VAMP4: variants seen among roughly 807,000 people sequenced by gnomAD.
The protein encoded by VAMP4 is vesicle associated membrane protein 4.
Under a neutral mutation model 23.5 loss-of-function variants are expected in VAMP4, and 19 were observed. The observed-to-expected ratio is 0.81, with a 90% CI of 0.56 to 1.19. The LOEUF (loss-of-function observed/expected upper bound fraction) is 1.19. VAMP4 is among the 50% of genes most tolerant of loss of function. VAMP4 has a pLI of 0.00. For synonymous variants in VAMP4, 31 were observed against 51.0 expected (o/e 0.61, Z 1.67); for missense variants, 145 against 168.6 (o/e 0.86, Z 0.78).
intron 6 of VAMP4, among the ~76,000 whole-genome samples, chr1:171,708,379 C>A (rs1654733161): frequency 1.4e-5 from 2 of 145,988 alleles, no homozygotes; most frequent in Admixed American, 1.4e-4. Context: ...TAAATTTATT[C>A]TTTAAAGAAT....
intron 2 of VAMP4, among the ~76,000 whole-genome samples, chr1:171,735,704 C>A (rs543245202): frequency 6.6e-6 from 1 of 152,194 alleles, no homozygotes; most frequent in Non-Finnish European, 1.5e-5. Context: ...GCTTTGTGCA[C>A]GCTGATCACT....
intron 2 of VAMP4, among the ~76,000 whole-genome samples, chr1:171,734,281 A>AT (rs2124868734): frequency 1.3e-5 from 2 of 151,934 alleles, no homozygotes; most frequent in South Asian, 4.2e-4. Flanking sequence ...AAAAAAAAAA[A>AT]AAAAAAATGA....
chr1:171,725,695 A>AT lies in VAMP4; in HGVS notation c.113+2828dup, dbSNP rs879408944. Among the ~76,000 whole-genome samples the AT allele has an allele frequency of 2.6e-3, 380 of 144,472 alleles. 1 individual carries two copies. Among genetic ancestry groups the AT allele is most frequent in the Admixed American group, 0.011 (165 of 14,416 alleles). 94.8% of individuals were successfully genotyped at this position (144,472 alleles called of 152,430 possible). A position where few individuals can be genotyped will look rare whatever the true frequency, so the allele number is the denominator to read the frequency against. ...TTCACTGCTTCTCGGGTTTCCATTA[A>AT]TTTTTTTTTTTTTTAGATGGAGTCT... is the stretch of plus-strand genomic sequence containing the variant. On this transcript the variant is annotated intron_variant, in intron 3 of 7. Coordinates refer to ENST00000236192, the MANE Select transcript of VAMP4 (RefSeq NM_003762.5).
intron 2 of VAMP4, among the ~76,000 whole-genome samples, chr1:171,729,048 CAAACAGCCCCCT>C (rs747966731): frequency 1.4e-4 from 22 of 152,324 alleles, no homozygotes; most frequent in Non-Finnish European, 2.2e-4. Flanking sequence ...ACTCTACCCA[CAAACAGCCCCCT>C]AAACAAATTT....
Position 171,709,737 on chromosome 1 carries a change from T to C in VAMP4, c.273A>G (p.Leu91=). ...LDELQDKSES[L]SDNATAFSNR... ...TGCTAAAAGCTGTTGCATTATCCGA[T>C]AAGCTTTCTATATCACATAGAGGAT... The change falls in exon 6 of 8, where the codon TTA becomes TTG. Residue 91 remains leucine, a synonymous_variant. Transcript: ENST00000236192. 3.1e-6 allele frequency: 5 copies of C among 1,612,480 alleles called. No homozygotes were observed. The highest frequency in any genetic ancestry group is 1.1e-5 in the South Asian group (1 of 91,046).
At chr1:171,732,009 A>C (rs1015642052) in intron 2 of VAMP4, among the ~76,000 whole-genome samples, 11 of 152,190 alleles carry the variant, frequency 7.2e-5, no homozygotes, top group African/African-American at 2.7e-4. Context: ...AAATTATGAG[A>C]AACAGTTACA....
intron 4 of VAMP4, among the ~76,000 whole-genome samples, 148 bp downstream of exon 4, chr1:171,719,018 GATAAT>G (rs1408227898): frequency 6.6e-6 from 1 of 152,048 alleles, no homozygotes; most frequent in Non-Finnish European, 1.5e-5. Context: ...AGTACCTATC[GATAAT>G]ATGAAAACAA....
intron 2 of VAMP4, among the ~76,000 whole-genome samples, chr1:171,737,231 G>C (rs957031033): frequency 6.6e-6 from 1 of 152,178 alleles, no homozygotes; most frequent in African/African-American, 2.4e-5. Flanking sequence ...TAGCACATAG[G>C]AGGTGGTCAA....
intron 2 of VAMP4, among the ~76,000 whole-genome samples, chr1:171,738,111 G>C (rs1655799835): frequency 6.6e-6 from 1 of 152,052 alleles, no homozygotes; most frequent in Non-Finnish European, 1.5e-5. Flanking sequence ...TGGAACCATA[G>C]GCATGTGCTA....
At chr1:171,738,130 C>T (rs1365493880) in intron 2 of VAMP4, among the ~76,000 whole-genome samples, 1 of 152,056 alleles carries the variant, frequency 6.6e-6, no homozygotes, top group Non-Finnish European at 1.5e-5. Context: ...TACCATGCCC[C>T]ATTAATTTTT....
In VAMP4 at chr1:171,703,450, T is replaced by TATAC. The variant is rs1162293826; in HGVS notation, c.*1055_*1056insGTAT. On this transcript the variant is annotated 3_prime_UTR_variant, in exon 8 of 8. Transcript: ENST00000236192. Reference sequence around the variant, plus strand: ...GTATATATATATATATATATATATATATATATATATATATATATACACATA... The same window carrying TATAC: ...GTATATATATATATATATATATATATATACATATATATATATATATATACACATA... 3 of 99,902 alleles carry TATAC rather than the reference T, an allele frequency of 3.0e-5. No individual in the cohort carries two copies. Among genetic ancestry groups the TATAC allele is most frequent in the Admixed American group, 3.0e-4 (3 of 10,072 alleles). 6.2% of individuals were successfully genotyped at this position (99,902 alleles called of 1,614,324 possible). A position where few individuals can be genotyped will look rare whatever the true frequency, so the allele number is the denominator to read the frequency against.
In VAMP4 at chr1:171,703,538, A is replaced by G. The variant is rs1654543760; in HGVS notation, c.*968T>C. ...TGCAAAATTTGATTGTGCAACATAC[A>G]TCTCCTCAAGGATGAACAGGAAATG... On this transcript the variant is annotated 3_prime_UTR_variant, in exon 8 of 8. Coordinates refer to ENST00000236192, the MANE Select transcript of VAMP4 (RefSeq NM_003762.5). 2 of 148,866 alleles carry G rather than the reference A, an allele frequency of 1.3e-5. No individual in the cohort carries two copies. Among genetic ancestry groups the G allele is most frequent in the African/African-American group, 4.9e-5 (2 of 40,452 alleles). The allele number at this position is 148,866 out of a possible 1,614,324, so 9.2% of individuals were successfully genotyped here.
At chr1:171,727,332 G>GT (rs1298081331) in intron 3 of VAMP4, among the ~76,000 whole-genome samples, 2 of 150,844 alleles carry the variant, frequency 1.3e-5, no homozygotes, top group African/African-American at 2.4e-5. Flanking sequence ...ACCAAAGAAG[G>GT]TAAGAGGACG....
chr1:171,724,328 TG>T (rs1655294684), intron 3 of VAMP4, among the ~76,000 whole-genome samples: 1 of 39,500 alleles, frequency 2.5e-5, no homozygotes, highest in Non-Finnish European at 4.7e-5. Context: ...TGTCATGGGG[TG>T]GGGGGAGGGA....
At chr1:171,726,412 A>T (rs1337882877) in intron 3 of VAMP4, among the ~76,000 whole-genome samples, 2 of 152,222 alleles carry the variant, frequency 1.3e-5, no homozygotes, top group African/African-American at 4.8e-5. Flanking sequence ...AACCTTCTAC[A>T]TCAATCCCCA....
At chr1:171,721,993 G>A (rs966394843) in intron 3 of VAMP4, among the ~76,000 whole-genome samples, 2 of 152,156 alleles carry the variant, frequency 1.3e-5, no homozygotes, top group Non-Finnish European at 2.9e-5. Flanking sequence ...CACGCTACCT[G>A]ACTTCAAACT....
intron 4 of VAMP4, among the ~76,000 whole-genome samples, chr1:171,717,556 C>A (rs1423025016): frequency 6.6e-6 from 1 of 152,106 alleles, no homozygotes; most frequent in Non-Finnish European, 1.5e-5. Flanking sequence ...AAAACCACAG[C>A]CTAGAAATAG....
chr1:171,732,509 C>T (rs1432689095), intron 2 of VAMP4, among the ~76,000 whole-genome samples: 3 of 152,114 alleles, frequency 2.0e-5, no homozygotes, highest in Admixed American at 6.5e-5. Flanking sequence ...TGCACTCCAA[C>T]CTGGGTGACA....
At position 171,702,768 on chromosome 1, in the gene VAMP4, T is replaced by C. The variant is rs1193022269; in HGVS notation, c.*1738A>G. ...GCTGTTCAGATGCTGTTTATATTAA[T>C]TGACATTTACAAAGAGCATAGAGAC... On this transcript the variant is annotated 3_prime_UTR_variant, in exon 8 of 8. Transcript: ENST00000236192. The C allele has an allele frequency of 6.6e-6, 1 of 152,048 alleles. No homozygotes were observed. 9.4% of individuals were successfully genotyped at this position (152,048 alleles called of 1,614,324 possible). A position where few individuals can be genotyped will look rare whatever the true frequency, so the allele number is the denominator to read the frequency against.
Sources: allele counts gnomAD v4.1 joint callset (sites outside exome capture counted in the v4.1 genomes callset), GRCh38; gene constraint gnomAD v4.1.1; transcripts MANE v1.5; gene names NCBI Gene and HGNC (gene_info 2026-07-23, HGNC 2026-07-21).